SRFBP1: variants seen among roughly 807,000 people sequenced by gnomAD.
SRFBP1 encodes the protein serum response factor-binding protein 1.
A neutral mutation model predicts 45.5 loss-of-function variants in SRFBP1; 47 were observed. The ratio of observed to expected loss-of-function variants is 1.03; its 90% CI spans 0.82 to 1.32. SRFBP1 has a LOEUF of 1.32. Among genes scored for constraint, SRFBP1 ranks in the 40% most tolerant of loss-of-function variants. The pLI is 0.00. For missense variants in SRFBP1, 621 were observed against 484.6 expected, an observed-to-expected ratio of 1.28 and a Z score of -2.64; for synonymous variants, 203 against 166.3, an observed-to-expected ratio of 1.22 and a Z score of -1.70.
intron 1 of SRFBP1, among the ~76,000 whole-genome samples, chr5:121,964,423 T>C (rs990575650): frequency 6.6e-6 from 1 of 152,172 alleles, no homozygotes; most frequent in East Asian, 1.9e-4. Context: ...AACTCAAACT[T>C]ATGAGTGAGA....
chr5:122,059,394 C>T lies in SRFBP1; in HGVS notation n.312-15921C>T, dbSNP rs534822458. On this transcript the variant is annotated intron_variant and non_coding_transcript_variant, in intron 2 of 2. Transcript: ENST00000504881. ...TTTATCCCATCCCTCTGACCTCATC[C>T]CCTTACATCTCTGATCTGCAATGCA... Among the ~76,000 whole-genome samples, 6 of 152,128 alleles carry T rather than the reference C, an allele frequency of 3.9e-5. No homozygotes were observed. In the South Asian group the frequency reaches 6.2e-4, roughly 16 times the overall value.
At position 122,027,134 on chromosome 5, in the gene SRFBP1, C is replaced by T. The variant is rs1046733923; in HGVS notation, c.*8C>T. 1 of 1,582,280 alleles carries T rather than the reference C, an allele frequency of 6.3e-7. No homozygotes were observed. The highest frequency in any genetic ancestry group is 1.4e-5 in the African/African-American group (1 of 72,820). On this transcript the variant is annotated 3_prime_UTR_variant, in exon 8 of 8. Coordinates refer to ENST00000339397, the MANE Select transcript of SRFBP1 (RefSeq NM_152546.3). The stretch of plus-strand genomic sequence containing the variant: ...ATTACGTTTGATGATTGATTAGTGC[C>T]TCTTTCTGCAAACTTTTCCATCTAA...
chr5:122,040,094 A>G (rs915104219), intron 2 of SRFBP1, among the ~76,000 whole-genome samples: 1 of 151,992 alleles, frequency 6.6e-6, no homozygotes, highest in African/African-American at 2.4e-5. Flanking sequence ...TTTACAAATA[A>G]TTTTTTAATC....
chr5:121,985,065 T>A (rs1752484476), intron 3 of SRFBP1, among the ~76,000 whole-genome samples: 1 of 151,992 alleles, frequency 6.6e-6, no homozygotes, highest in East Asian at 1.9e-4. Flanking sequence ...GTGTGCCATG[T>A]TTGGCTAGTT....
At chr5:122,033,957 G>A (rs1753634801) in intron 2 of SRFBP1, among the ~76,000 whole-genome samples, 1 of 151,026 alleles carries the variant, frequency 6.6e-6, no homozygotes, top group Non-Finnish European at 1.5e-5. Flanking sequence ...CTGGGTAGCT[G>A]GGATTACAGG....
chr5:122,036,338 C>G (rs955687868), intron 2 of SRFBP1, among the ~76,000 whole-genome samples: 7 of 152,012 alleles, frequency 4.6e-5, no homozygotes, highest in Non-Finnish European at 1.5e-5. Flanking sequence ...ACTGACCCCC[C>G]CATTAAAAAC....
intron 7 of SRFBP1, among the ~76,000 whole-genome samples, chr5:122,026,539 G>A (rs1262046684): frequency 2.0e-5 from 3 of 152,162 alleles, no homozygotes; most frequent in African/African-American, 7.2e-5. Context: ...TAGCTAAGAT[G>A]TGAATTTTCT....
At chr5:121,965,492 A>T (rs562339673) in intron 1 of SRFBP1, among the ~76,000 whole-genome samples, 6 of 152,130 alleles carry the variant, frequency 3.9e-5, no homozygotes, top group Non-Finnish European at 8.8e-5. Context: ...CAAAGATCAG[A>T]TGTTTGTAGA....
At chr5:122,071,798 A>G (rs1754459790) in intron 2 of SRFBP1, among the ~76,000 whole-genome samples, 2 of 152,178 alleles carry the variant, frequency 1.3e-5, no homozygotes. Flanking sequence ...GAGACAGTAA[A>G]ATCACCTTAG....
chr5:122,072,832 C>T (rs757297153), intron 2 of SRFBP1, among the ~76,000 whole-genome samples: 1 of 152,318 alleles, frequency 6.6e-6, no homozygotes, highest in Admixed American at 6.5e-5. Context: ...ACAATCCCAG[C>T]TTCAAATATT....
chr5:122,075,563 A>C (rs776681649), exon 3 of SRFBP1: 9 of 1,504,916 alleles, frequency 6.0e-6, no homozygotes, highest in Non-Finnish European at 8.1e-6. Context: ...AAAAAAGAAA[A>C]ATTATTATAT....
chr5:122,004,400 G>T (rs1308038909), intron 4 of SRFBP1, among the ~76,000 whole-genome samples: 1 of 151,954 alleles, frequency 6.6e-6, no homozygotes, highest in Admixed American at 6.6e-5. Context: ...CTTATTGTAT[G>T]TTCTTGGCAG....
chr5:122,073,944 G>C, intron 2 of SRFBP1: 3 of 1,405,292 alleles, frequency 2.1e-6, no homozygotes, highest in Non-Finnish European at 3.0e-6. Flanking sequence ...GCTATTTAAT[G>C]CTAACTAACG....
Position 122,020,488 on chromosome 5 carries a change from A to C in SRFBP1, c.753A>C (p.Glu251Asp). The part of the protein sequence containing the change: ...SSLSGNSDGG[E>D]EFCEEEKEYF... ...TCTCTGGTAACAGTGATGGCGGAGA[A>C]GAATTTTGTGAAGAGGAGAAGGAAT... The change falls in exon 6 of 8, where the codon GAA becomes GAC. Residue 251 changes from glutamate to aspartate, a missense_variant. Coordinates refer to ENST00000339397, the MANE Select transcript of SRFBP1 (RefSeq NM_152546.3). 1 of 1,614,168 alleles carries C rather than the reference A, an allele frequency of 6.2e-7. No homozygotes were observed. Among genetic ancestry groups the C allele is most frequent in the Non-Finnish European group, 8.5e-7 (1 of 1,179,994 alleles).
chr5:121,964,863 T>C (rs761430662), intron 1 of SRFBP1, among the ~76,000 whole-genome samples: 1 of 152,222 alleles, frequency 6.6e-6, no homozygotes, highest in Non-Finnish European at 1.5e-5. Context: ...TGTTGTTTCC[T>C]GACTTTTTAA....
chr5:122,054,573 C>A (rs1754046439), intron 2 of SRFBP1, among the ~76,000 whole-genome samples: 1 of 152,148 alleles, frequency 6.6e-6, no homozygotes, highest in Non-Finnish European at 1.5e-5. Context: ...TGAACTTTAT[C>A]TACAAAATCA....
intron 2 of SRFBP1, among the ~76,000 whole-genome samples, chr5:122,073,240 T>TA (rs898125832): frequency 1.4e-4 from 22 of 152,160 alleles, no homozygotes; most frequent in African/African-American, 5.3e-4. Flanking sequence ...TAGGGTTTCA[T>TA]ATGGAAATAC....
At chr5:122,012,075 G>A (rs549578437) in intron 4 of SRFBP1, among the ~76,000 whole-genome samples, 20 of 152,166 alleles carry the variant, frequency 1.3e-4, no homozygotes, top group African/African-American at 2.9e-4. Context: ...ATACTAGACC[G>A]AATTCAGAAA....
downstream of SRFBP1, chr5:122,078,276 G>A (rs1057489687): frequency 2.1e-5 from 7 of 340,288 alleles, no homozygotes; most frequent in African/African-American, 1.5e-4. Context: ...AAGGAAGGAG[G>A]AGAGATTTTA....
Sources: gnomAD v4.1 joint callset for allele counts (sites outside exome capture counted in the v4.1 genomes callset) on GRCh38, gnomAD v4.1.1 for gene constraint, MANE v1.5 for transcripts, NCBI Gene and HGNC (gene_info 2026-07-23, HGNC 2026-07-21) for gene names.